The following MCPH1 variants were observed in gnomAD, a reference collection of about 807,000 sequenced individuals.
MCPH1 encodes the protein microcephalin 1, also known as microcephalin.
Under a neutral mutation model 84.5 loss-of-function variants are expected in MCPH1, and 104 were observed. That is an observed-to-expected ratio of 1.23 (90% confidence interval 1.05 to 1.45). MCPH1 has a LOEUF of 1.45. MCPH1 is among the 40% of genes most tolerant of loss of function. The pLI is 0.00. For synonymous variants in MCPH1, 514 were observed against 366.8 expected (o/e 1.40, Z -4.58); for missense variants, 1,498 against 1,005.7 (o/e 1.49, Z -6.62).
intron 12 of MCPH1, chr8:6,519,779 G>A: frequency 2.0e-6 from 3 of 1,506,982 alleles, no homozygotes; most frequent in Non-Finnish European, 2.7e-6. Flanking sequence ...GATCTTTGGG[G>A]AGAGACTTCT....
chr8:6,518,161 C>T (rs973034334), intron 12 of MCPH1, among the ~76,000 whole-genome samples: 5 of 152,128 alleles, frequency 3.3e-5, no homozygotes, highest in Admixed American at 1.3e-4. Flanking sequence ...TGTGATGGGG[C>T]TGCATGGTTA....
intron 13 of MCPH1, among the ~76,000 whole-genome samples, chr8:6,641,377 G>T (rs1053403469): frequency 2.0e-5 from 3 of 152,280 alleles, no homozygotes; most frequent in East Asian, 3.9e-4. Context: ...AAAGCCAGAT[G>T]CAATAAGACA....
chr8:6,630,817 T>C (rs1474542703), intron 13 of MCPH1, among the ~76,000 whole-genome samples: 1 of 144,414 alleles, frequency 6.9e-6, no homozygotes, highest in Admixed American at 6.9e-5. Context: ...CAATTATATA[T>C]CAACAAAAAA....
At chr8:6,626,511 T>A (rs1832096726) in intron 13 of MCPH1, 2 of 945,980 alleles carry the variant, frequency 2.1e-6, no homozygotes, top group East Asian at 1.3e-4. Flanking sequence ...GAGAGCACAC[T>A]TGTGGGTGGT....
At chr8:6,465,325 T>C (rs1023348093) in intron 9 of MCPH1, among the ~76,000 whole-genome samples, 27 of 152,224 alleles carry the variant, frequency 1.8e-4, no homozygotes, top group Non-Finnish European at 1.2e-4. Context: ...CCAGTCCCTC[T>C]CGTTTAGGCA....
chr8:6,564,543 C>T (rs73661405), intron 12 of MCPH1, among the ~76,000 whole-genome samples: 2,731 of 151,296 alleles, frequency 0.018, 85 homozygotes, highest in African/African-American at 0.059. Context: ...AACTCAGCAG[C>T]CCAAGTGTAC....
intron 12 of MCPH1, among the ~76,000 whole-genome samples, chr8:6,524,468 C>T (rs1312791335): frequency 6.6e-6 from 1 of 152,186 alleles, no homozygotes; most frequent in African/African-American, 2.4e-5. Context: ...TCTGAAGCCT[C>T]CTGAGTCACT....
rs1554476435 is a variant in MCPH1 at position 6,609,828 on chromosome 8, C to CCA, written c.2215-11619_2215-11618dup. ...CAAAGCAATGCCCCCCGCCCCCCCCCCACACACAGACTGCCAGGTAAACCA... is the reference window on the plus strand; with the variant it reads ...CAAAGCAATGCCCCCCGCCCCCCCCCCACACACACAGACTGCCAGGTAAACCA... On this transcript the variant is annotated intron_variant, in intron 12 of 13. Transcript: ENST00000344683. Among the ~76,000 whole-genome samples the CCA allele has an allele frequency of 4.9e-3, 532 of 108,196 alleles. 31 individuals are homozygous for CCA. Among genetic ancestry groups the CCA allele is most frequent in the African/African-American group, 0.012 (401 of 33,618 alleles). 71.0% of individuals were successfully genotyped at this position (108,196 alleles called of 152,430 possible).
At chr8:6,475,435 C>G (rs894920748) in intron 9 of MCPH1, among the ~76,000 whole-genome samples, 2 of 152,232 alleles carry the variant, frequency 1.3e-5, no homozygotes, top group Admixed American at 1.3e-4. Flanking sequence ...GACTGCCTGA[C>G]CATCGCTCTG....
At chr8:6,534,210 A>G (rs1451595755) in intron 12 of MCPH1, among the ~76,000 whole-genome samples, 5 of 152,236 alleles carry the variant, frequency 3.3e-5, no homozygotes, top group African/African-American at 1.2e-4. Flanking sequence ...TATTTTAAAA[A>G]AAAAATAACA....
intron 13 of MCPH1, among the ~76,000 whole-genome samples, chr8:6,630,423 C>A (rs115753850): frequency 6.6e-6 from 1 of 151,964 alleles, no homozygotes; most frequent in Admixed American, 6.6e-5. Context: ...AAAAATGTTA[C>A]CAAAATTGAT....
At chr8:6,438,891 T>C (rs1803065684) in intron 5 of MCPH1, 62 bp from the exon 6 acceptor site, 4 of 1,514,756 alleles carry the variant, frequency 2.6e-6, no homozygotes, top group Non-Finnish European at 3.6e-6. Flanking sequence ...TTAAAAGGAA[T>C]CACATTCCTG....
At position 6,452,025 on chromosome 8, in the gene MCPH1, T is replaced by C. The variant is rs148017809; in HGVS notation, c.1826-3118T>C. Among the ~76,000 whole-genome samples the C allele has an allele frequency of 6.8e-4, 104 of 152,344 alleles. 2 individuals are homozygous for C. Among genetic ancestry groups the C allele is most frequent in the African/African-American group, 2.3e-3 (96 of 41,586 alleles). ...AAATAAATGTTAAAAATAAGAGTTA[T>C]TTCTTCGGCCTTAGCTCTAGACAAA... On this transcript the variant is annotated intron_variant, in intron 8 of 13. Coordinates refer to ENST00000344683, the MANE Select transcript of MCPH1 (RefSeq NM_024596.5).
chr8:6,637,687 C>T (rs942307220), intron 13 of MCPH1, among the ~76,000 whole-genome samples: 12 of 152,110 alleles, frequency 7.9e-5, no homozygotes, highest in African/African-American at 2.9e-4. Context: ...GATACAGAGT[C>T]TCCCAATGTT....
rs1224322494 is a variant in MCPH1 at position 6,645,283 on chromosome 8, A to G, written c.*2234A>G. ...TCTTTCTGAAAGCTAGTATTTTATG[A>G]GGACTGACTGTTGCTAGACATTACA... On this transcript the variant is annotated 3_prime_UTR_variant, in exon 14 of 14. Coordinates refer to ENST00000344683, the MANE Select transcript of MCPH1 (RefSeq NM_024596.5). 1.3e-5 allele frequency: 2 copies of G among 152,308 alleles called. No individual in the cohort carries two copies. Among genetic ancestry groups the G allele is most frequent in the African/African-American group, 2.4e-5 (1 of 41,560 alleles). 9.4% of individuals were successfully genotyped at this position (152,308 alleles called of 1,614,324 possible).
intron 12 of MCPH1, among the ~76,000 whole-genome samples, chr8:6,512,251 T>C (rs1250597095): frequency 1.3e-5 from 2 of 152,182 alleles, no homozygotes; most frequent in Non-Finnish European, 2.9e-5. Flanking sequence ...GAGTTTTCAG[T>C]TGGTTGTTCA....
intron 12 of MCPH1, among the ~76,000 whole-genome samples, chr8:6,514,183 A>G (rs1277032930): frequency 6.6e-6 from 1 of 152,158 alleles, no homozygotes; most frequent in Admixed American, 6.5e-5. Flanking sequence ...CTTTAAAAAT[A>G]AGCTAAGTAG....
chr8:6,556,526 C>G (rs1428287680), intron 12 of MCPH1, among the ~76,000 whole-genome samples: 2 of 151,818 alleles, frequency 1.3e-5, no homozygotes, highest in Non-Finnish European at 2.9e-5. Context: ...TTTACCCCTT[C>G]TGTGCAGCAC....
intron 12 of MCPH1, among the ~76,000 whole-genome samples, chr8:6,614,937 A>C (rs1586807694): frequency 6.7e-6 from 1 of 149,860 alleles, no homozygotes; most frequent in East Asian, 2.0e-4. Context: ...CAACCCCTCC[A>C]TCTGTCCTCC....
Sources: gnomAD v4.1 joint callset for allele counts (sites outside exome capture counted in the v4.1 genomes callset) on GRCh38, gnomAD v4.1.1 for gene constraint, MANE v1.5 for transcripts, NCBI Gene and HGNC (gene_info 2026-07-23, HGNC 2026-07-21) for gene names.